The following NET1 variants were observed in gnomAD, a reference collection of about 807,000 sequenced individuals.
NET1 encodes the protein neuroepithelial cell-transforming gene 1 protein.
In NET1, 42 loss-of-function variants were observed where a neutral mutation model predicts 61.1. The ratio of observed to expected loss-of-function variants is 0.69; its 90% CI spans 0.54 to 0.89. NET1 has a LOEUF of 0.89. Among genes scored for constraint, NET1 ranks in the 40% least tolerant of loss-of-function variants. The probability of loss-of-function intolerance (pLI) is 0.00; values close to 1 mark genes in which losing one functional copy is unlikely to be tolerated. For synonymous variants in NET1, 254 were observed against 281.8 expected, an observed-to-expected ratio of 0.90 and a Z score of 0.99; for missense variants, 654 against 747.3, an observed-to-expected ratio of 0.88 and a Z score of 1.46.
intron 1 of NET1, among the ~76,000 whole-genome samples, chr10:5,419,810 T>G (rs577573929): frequency 6.6e-6 from 1 of 152,308 alleles, no homozygotes; most frequent in South Asian, 2.1e-4. Flanking sequence ...TGCTGAAATT[T>G]TCTTTTTCTT....
rs1832220792 is a variant in NET1 at position 5,423,940 on chromosome 10, G to A, written c.129-2715G>A. Among the ~76,000 whole-genome samples, 1 of 152,018 alleles carries A rather than the reference G, an allele frequency of 6.6e-6. No individual in the cohort carries two copies. Among genetic ancestry groups the A allele is most frequent in the Non-Finnish European group, 1.5e-5 (1 of 67,976 alleles). ...AAATAGAATCTTGTTATTGAAGTGG[G>A]AAAAAATAGCATTACTGTAAAGCTG... On this transcript the variant is annotated intron_variant, in intron 1 of 11. Coordinates refer to ENST00000355029, the MANE Select transcript of NET1 (RefSeq NM_001047160.3). This position sits in a 1 kb window ranked among gnomAD's most constrained non-coding sequence, Gnocchi z 4.4.
chr10:5,445,295 T>TC (rs1832589636), intron 3 of NET1, among the ~76,000 whole-genome samples: 1 of 152,192 alleles, frequency 6.6e-6, no homozygotes, highest in Non-Finnish European at 1.5e-5. Context: ...CTGGCATTGT[T>TC]CCCAGCCGTG....
rs1228145582 is a variant in NET1 at position 5,453,340 on chromosome 10, C to T, written c.685C>T (p.His229Tyr). The T allele has an allele frequency of 6.2e-7, 1 of 1,606,388 alleles. No individual in the cohort carries two copies. The highest frequency in any genetic ancestry group is 8.5e-7 in the Non-Finnish European group (1 of 1,172,936). ...FGDLDSYIPLHEDLLTRIGEA... is the reference protein window; with the variant it reads ...FGDLDSYIPLYEDLLTRIGEA... ...TGATCTGGACTCTTACATACCTCTG[C>T]ATGAAGGTTAGATGTGCCACTTAAT... The change falls in exon 7 of 12, where the codon CAT becomes TAT. Residue 229 changes from histidine (H) to tyrosine (Y), a missense_variant. Coordinates refer to ENST00000355029, the MANE Select transcript of NET1 (RefSeq NM_001047160.3). This position sits in a 1 kb window ranked among gnomAD's most constrained non-coding sequence, Gnocchi z 4.9.
chr10:5,452,797 A>G lies in NET1; in HGVS notation c.532-61A>G. On this transcript the variant is annotated intron_variant, in intron 5 of 11. Transcript: ENST00000355029. This position sits in a 1 kb window ranked among gnomAD's most constrained non-coding sequence, Gnocchi z 4.0. ...CAAAACATCAAATAATGTAATTATCAGTTGTATATAATTTTCCTTTCTCGA... is the reference window on the plus strand; with the variant it reads ...CAAAACATCAAATAATGTAATTATCGGTTGTATATAATTTTCCTTTCTCGA... The G allele has an allele frequency of 7.3e-7, 1 of 1,362,482 alleles. No homozygotes were observed. Among genetic ancestry groups the G allele is most frequent in the Non-Finnish European group, 1.0e-6 (1 of 968,550 alleles). 84.4% of individuals were successfully genotyped at this position (1,362,482 alleles called of 1,614,324 possible).
Position 5,426,853 on chromosome 10 carries a change from T to C in NET1, c.195+132T>C. Reference sequence around the variant, plus strand: ...AGGAACAGAATTCCTGTAACCATCTTTGGCAGCCTAATTTAGTCCTTTTCT... The same window carrying C: ...AGGAACAGAATTCCTGTAACCATCTCTGGCAGCCTAATTTAGTCCTTTTCT... On this transcript the variant is annotated intron_variant, in intron 2 of 11. Transcript: ENST00000355029. This position sits in a 1 kb window ranked among gnomAD's most constrained non-coding sequence, Gnocchi z 4.6. 3.8e-6 allele frequency: 2 copies of C among 526,450 alleles called. No individual in the cohort carries two copies. Among genetic ancestry groups the C allele is most frequent in the Non-Finnish European group, 6.5e-6 (2 of 308,104 alleles). 32.6% of individuals were successfully genotyped at this position (526,450 alleles called of 1,614,324 possible).
rs1425106657 is a variant in NET1, at chr10:5,453,149, C to T, written c.595-101C>T. The T allele has an allele frequency of 6.3e-6, 5 of 794,682 alleles. No homozygotes were observed. Among genetic ancestry groups the T allele is most frequent in the Non-Finnish European group, 1.1e-5 (5 of 457,696 alleles). 49.2% of individuals were successfully genotyped at this position (794,682 alleles called of 1,614,324 possible). ...TATTTTATGTGTAGCAAACAGAATCCACGCTAGCTTTTATGTAATTAATTC... is the reference window on the plus strand; with the variant it reads ...TATTTTATGTGTAGCAAACAGAATCTACGCTAGCTTTTATGTAATTAATTC... On this transcript the variant is annotated intron_variant, in intron 6 of 11. Coordinates refer to ENST00000355029, the MANE Select transcript of NET1 (RefSeq NM_001047160.3). This position sits in a 1 kb window ranked among gnomAD's most constrained non-coding sequence, Gnocchi z 4.9.
intron 3 of NET1, among the ~76,000 whole-genome samples, chr10:5,450,104 A>G (rs1832681368): frequency 6.6e-6 from 1 of 152,232 alleles, no homozygotes; most frequent in African/African-American, 2.4e-5. Context: ...GGAGGCATCC[A>G]CACATGTCCT....
chr10:5,419,282 G>A (rs1832128906), intron 1 of NET1, among the ~76,000 whole-genome samples: 2 of 151,644 alleles, frequency 1.3e-5, no homozygotes, highest in South Asian at 2.1e-4. Flanking sequence ...TGTGTCTCCT[G>A]TGGACAGCAT....
At chr10:5,418,831 T>A (rs1832121242) in intron 1 of NET1, among the ~76,000 whole-genome samples, 1 of 152,194 alleles carries the variant, frequency 6.6e-6, no homozygotes, top group South Asian at 2.1e-4. Context: ...TGAGCATTGC[T>A]TTAGCTGCAT....
intron 3 of NET1, among the ~76,000 whole-genome samples, chr10:5,434,558 C>T (rs571400488): frequency 2.6e-5 from 4 of 152,222 alleles, no homozygotes; most frequent in Admixed American, 2.6e-4. Flanking sequence ...AGAAAAACCC[C>T]GTGCCTTCCC....
Position 5,441,605 on chromosome 10 carries a change from C to T in NET1, c.256-10225C>T, listed in dbSNP as rs768469761. Among the ~76,000 whole-genome samples, 8 of 152,200 alleles carry T rather than the reference C, an allele frequency of 5.3e-5. No homozygotes were observed. Among genetic ancestry groups the T allele is most frequent in the Non-Finnish European group, 8.8e-5 (6 of 68,040 alleles). On this transcript the variant is annotated intron_variant, in intron 3 of 11. Transcript: ENST00000355029. The surrounding 1 kb of genome is among the most constrained non-coding windows in gnomAD (Gnocchi z 4.6). ...TTTGATTGGCTATTTGTGTTGTCATCGCACAAAAGAACCATTGTTTTGACA... is the reference window on the plus strand; with the variant it reads ...TTTGATTGGCTATTTGTGTTGTCATTGCACAAAAGAACCATTGTTTTGACA...
intron 3 of NET1, among the ~76,000 whole-genome samples, chr10:5,433,328 A>T (rs11253176): frequency 0.27 from 41,065 of 152,044 alleles, 5,717 homozygotes; most frequent in Non-Finnish European, 0.29. Context: ...GCCATATGTG[A>T]CTGATCTCTC....
intron 3 of NET1, among the ~76,000 whole-genome samples, chr10:5,448,263 G>T (rs952389779): frequency 6.6e-6 from 1 of 152,136 alleles, no homozygotes; most frequent in African/African-American, 2.4e-5. Context: ...ATCATTAGAA[G>T]AAAAAGCCTT....
Position 5,447,859 on chromosome 10 carries a change from A to G in NET1, c.256-3971A>G, listed in dbSNP as rs779633131. On this transcript the variant is annotated intron_variant, in intron 3 of 11. Coordinates refer to ENST00000355029, the MANE Select transcript of NET1 (RefSeq NM_001047160.3). This position sits in a 1 kb window ranked among gnomAD's most constrained non-coding sequence, Gnocchi z 4.1. Reference sequence around the variant, plus strand: ...TTGAGTAGAGCAGTCATCCACAGTCACTAGTGTGAATCCTGCAGCTTATCA... The same window carrying G: ...TTGAGTAGAGCAGTCATCCACAGTCGCTAGTGTGAATCCTGCAGCTTATCA... 2.6e-5 allele frequency among the ~76,000 whole-genome samples: 4 copies of G among 152,212 alleles called. No homozygotes were observed. The highest frequency in any genetic ancestry group is 4.4e-5 in the Non-Finnish European group (3 of 68,040).
intron 1 of NET1, among the ~76,000 whole-genome samples, chr10:5,413,737 G>T (rs932864327): frequency 6.6e-6 from 1 of 152,172 alleles, no homozygotes; most frequent in Non-Finnish European, 1.5e-5. Context: ...TCCAAGAATG[G>T]TTACAATATC....
rs988150153 is a variant in NET1 at position 5,423,250 on chromosome 10, T to C, written c.129-3405T>C. On this transcript the variant is annotated intron_variant, in intron 1 of 11. Coordinates refer to ENST00000355029, the MANE Select transcript of NET1 (RefSeq NM_001047160.3). This position sits in a 1 kb window ranked among gnomAD's most constrained non-coding sequence, Gnocchi z 4.4. ...GTTGGTAATAGTAATTTTCAATACGTTTTTTGAAAATATTTATAATTTCAG... is the reference window on the plus strand; with the variant it reads ...GTTGGTAATAGTAATTTTCAATACGCTTTTTGAAAATATTTATAATTTCAG... Among the ~76,000 whole-genome samples, 6 of 152,192 alleles carry C rather than the reference T, an allele frequency of 3.9e-5. No individual in the cohort carries two copies. Among genetic ancestry groups the C allele is most frequent in the African/African-American group, 1.4e-4 (6 of 41,448 alleles).
chr10:5,442,539 T>C (rs1165836011), intron 3 of NET1, among the ~76,000 whole-genome samples: 1 of 152,168 alleles, frequency 6.6e-6, no homozygotes, highest in Non-Finnish European at 1.5e-5. Flanking sequence ...AGATGTTCTA[T>C]AGAAAGAAAA....
rs1564465827 is a variant in NET1, at chr10:5,446,598, C to T, written c.256-5232C>T. 2.5e-5 allele frequency: 30 copies of T among 1,214,900 alleles called. No homozygotes were observed. The highest frequency in any genetic ancestry group is 3.1e-5 in the Non-Finnish European group (30 of 974,380). The allele number at this position is 1,214,900 out of a possible 1,614,324, so 75.3% of individuals were successfully genotyped here. ...GAGCCCTGGGGTCGGTGCTTGCTGC[C>T]TGCGGCTCTCAGAAGCCTCTGCTCC... is the stretch of plus-strand genomic sequence containing the variant. On this transcript the variant is annotated intron_variant, in intron 3 of 11. Transcript: ENST00000355029. The surrounding 1 kb of genome is among the most constrained non-coding windows in gnomAD (Gnocchi z 5.0).
rs200255254 is a variant in NET1, at chr10:5,452,281, TA to T, written c.364-68del. 615 of 1,247,244 alleles carry T rather than the reference TA, an allele frequency of 4.9e-4. No homozygotes were observed. The highest frequency in any genetic ancestry group is 1.5e-3 in the South Asian group (67 of 45,390). 77.3% of individuals were successfully genotyped at this position (1,247,244 alleles called of 1,614,324 possible). A position where few individuals can be genotyped will look rare whatever the true frequency, so the allele number is the denominator to read the frequency against. ...CTCAGAACTTTGTCTTTCTTCACTT[TA>T]AAAAAAAAGAAAATGGGAATAATTC... On this transcript the variant is annotated intron_variant, in intron 4 of 11. Transcript: ENST00000355029. This position sits in a 1 kb window ranked among gnomAD's most constrained non-coding sequence, Gnocchi z 4.0.
Sources: gnomAD v4.1 joint callset for allele counts (sites outside exome capture counted in the v4.1 genomes callset) on GRCh38, gnomAD v4.1.1 for gene constraint, Gnocchi (gnomAD v3.1) non-coding constraint, MANE v1.5 for transcripts, NCBI Gene and HGNC (gene_info 2026-07-23, HGNC 2026-07-21) for gene names.